Variants in SRGAP2C observed in about 807,000 individuals in gnomAD.
SRGAP2C encodes SLIT-ROBO Rho GTPase activating protein 2C.
In SRGAP2C, 15 loss-of-function variants were observed where a neutral mutation model predicts 25.1. The ratio of observed to expected loss-of-function variants is 0.60; its 90% confidence interval spans 0.40 to 0.92. SRGAP2C has a LOEUF of 0.92. SRGAP2C is among the 40% of genes least tolerant of loss of function. SRGAP2C has a pLI of 0.00. For synonymous variants in SRGAP2C, 44 were observed against 96.6 expected, an observed-to-expected ratio of 0.46 and a Z score of 3.19; for missense variants, 144 against 264.4, an observed-to-expected ratio of 0.54 and a Z score of 3.16.
At chr1:121,313,870 A>T (rs1658022872) in intron 3 of SRGAP2C, among the ~76,000 whole-genome samples, 1 of 129,352 alleles carries the variant, frequency 7.7e-6, no homozygotes, top group Non-Finnish European at 1.7e-5. Flanking sequence ...TTTTTCCTTC[A>T]TTTCAACTTT....
chr1:121,328,176 G>T (rs1658355140), intron 4 of SRGAP2C, among the ~76,000 whole-genome samples: 1 of 152,164 alleles, frequency 6.6e-6, no homozygotes, highest in Admixed American at 6.5e-5. Flanking sequence ...TATCTACAAT[G>T]TCAGCAATGA....
chr1:121,206,397 G>C (rs1655109388), intron 2 of SRGAP2C, among the ~76,000 whole-genome samples: 1 of 152,202 alleles, frequency 6.6e-6, no homozygotes, highest in Non-Finnish European at 1.5e-5. Context: ...AGAGGAGTAA[G>C]ATCGAAGTGG....
At chr1:121,267,294 A>T (rs1211905753) in intron 2 of SRGAP2C, among the ~76,000 whole-genome samples, 1 of 150,648 alleles carries the variant, frequency 6.6e-6, no homozygotes, top group Non-Finnish European at 1.5e-5. Context: ...TGTGGGCTCA[A>T]GCGGTTCTCA....
rs1186849245 is a variant in SRGAP2C, at chr1:121,312,324, T to C, written c.261-12154T>C. On this transcript the variant is annotated intron_variant, in intron 3 of 9. Coordinates refer to ENST00000367123, the MANE Select transcript of SRGAP2C (RefSeq NM_001329984.2). ...TTTGATTCTTCTCTCTTTTTTTCTT[T>C]ATTAGTCTTGCTAGCGGTCTATCAA... Among the ~76,000 whole-genome samples, 17 of 55,544 alleles carry C rather than the reference T, an allele frequency of 3.1e-4. 2 individuals are homozygous for C. Among genetic ancestry groups the C allele is most frequent in the African/African-American group, 1.1e-3 (16 of 15,176 alleles). The allele number at this position is 55,544 out of a possible 152,430, so 36.4% of individuals were successfully genotyped here.
chr1:121,323,547 C>T (rs1553341361), intron 3 of SRGAP2C, among the ~76,000 whole-genome samples: 90 of 91,202 alleles, frequency 9.9e-4, no homozygotes, highest in Middle Eastern at 7.2e-3. Flanking sequence ...AAGCGGGAGG[C>T]GGAGGTTGCA....
chr1:121,193,157 T>TC (rs1654744065), intron 2 of SRGAP2C, among the ~76,000 whole-genome samples: 1 of 132,056 alleles, frequency 7.6e-6, no homozygotes, highest in Non-Finnish European at 1.5e-5. Flanking sequence ...CTCTCATATC[T>TC]CCCTTACTCT....
intron 3 of SRGAP2C, among the ~76,000 whole-genome samples, chr1:121,323,379 G>A (rs1658250379): frequency 6.6e-6 from 1 of 152,090 alleles, no homozygotes; most frequent in East Asian, 1.9e-4. Flanking sequence ...ACTTTGGGAG[G>A]CCAAGGTGGG....
At chr1:121,225,827 C>T (rs1265093625) in intron 2 of SRGAP2C, among the ~76,000 whole-genome samples, 1 of 144,110 alleles carries the variant, frequency 6.9e-6, no homozygotes, top group Non-Finnish European at 1.5e-5. Flanking sequence ...GCCTCAGCCT[C>T]CCGAGTAGCT....
chr1:121,263,451 CTT>C (rs1553333824), intron 2 of SRGAP2C, among the ~76,000 whole-genome samples: 1 of 114,934 alleles, frequency 8.7e-6, no homozygotes, highest in African/African-American at 3.1e-5. Flanking sequence ...AAAAAAAAAA[CTT>C]CAGTGCTTTT....
intron 3 of SRGAP2C, among the ~76,000 whole-genome samples, chr1:121,307,511 GA>G (rs1356707613): frequency 7.5e-5 from 10 of 133,948 alleles, no homozygotes; most frequent in African/African-American, 2.9e-4. Context: ...ACGAGCATAA[GA>G]ATCCACATTT....
chr1:121,225,675 A>G (rs1459964256), intron 2 of SRGAP2C, among the ~76,000 whole-genome samples: 1 of 146,684 alleles, frequency 6.8e-6, no homozygotes, highest in Non-Finnish European at 1.5e-5. Context: ...CTAAATGCTT[A>G]TTATTTAATA....
intron 2 of SRGAP2C, among the ~76,000 whole-genome samples, chr1:121,206,401 G>A (rs782262381): frequency 1.1e-4 from 17 of 152,198 alleles, no homozygotes; most frequent in East Asian, 7.7e-4. Flanking sequence ...GAGTAAGATC[G>A]AAGTGGATAG....
intron 7 of SRGAP2C, among the ~76,000 whole-genome samples, chr1:121,381,941 C>CT (rs1370891676): frequency 1.4e-5 from 2 of 143,472 alleles, no homozygotes; most frequent in African/African-American, 2.6e-5. Context: ...TGCGCCAGTG[C>CT]TTTTTTTATA....
chr1:121,319,612 C>T (rs1483607612), intron 3 of SRGAP2C, among the ~76,000 whole-genome samples: 1 of 151,614 alleles, frequency 6.6e-6, no homozygotes, highest in Non-Finnish European at 1.5e-5. Flanking sequence ...GGGCTAATGT[C>T]TTCGAAGCTA....
chr1:121,268,376 A>G (rs1656858103), intron 2 of SRGAP2C, among the ~76,000 whole-genome samples: 1 of 151,732 alleles, frequency 6.6e-6, no homozygotes, highest in Admixed American at 6.6e-5. Flanking sequence ...GCTGGGGGCC[A>G]GTGAGTAAGG....
intron 3 of SRGAP2C, among the ~76,000 whole-genome samples, chr1:121,287,615 C>T (rs1166862234): frequency 2.6e-5 from 4 of 152,132 alleles, no homozygotes; most frequent in African/African-American, 7.2e-5. Context: ...AATTAAGGTT[C>T]AGATGTGTTA....
At chr1:121,235,060 C>T (rs1235594830) in intron 2 of SRGAP2C, among the ~76,000 whole-genome samples, 1 of 143,648 alleles carries the variant, frequency 7.0e-6, no homozygotes, top group African/African-American at 2.7e-5. Context: ...CTCGCTCCGT[C>T]CCCCAGGCTG....
At chr1:121,271,570 G>A (rs1374344020) in intron 2 of SRGAP2C, among the ~76,000 whole-genome samples, 4 of 150,642 alleles carry the variant, frequency 2.7e-5, no homozygotes, top group Admixed American at 1.3e-4. Flanking sequence ...GCCTTTGGTG[G>A]CCATGTGGTT....
chr1:121,279,944 G>A (rs1482845226), intron 2 of SRGAP2C, among the ~76,000 whole-genome samples: 1 of 150,480 alleles, frequency 6.6e-6, no homozygotes, highest in Admixed American at 6.7e-5. Context: ...TGTTTGTTGG[G>A]TTATTTTCCC....
Sources: allele counts gnomAD v4.1 joint callset (sites outside exome capture counted in the v4.1 genomes callset), GRCh38; gene constraint gnomAD v4.1.1; transcripts MANE v1.5; gene names NCBI Gene and HGNC (gene_info 2026-07-23, HGNC 2026-07-21).